Variants in TTC29 observed in about 807,000 individuals in gnomAD.
The protein encoded by TTC29 is tetratricopeptide repeat domain 29.
In TTC29, 49 loss-of-function variants were observed where a neutral mutation model predicts 58.1. The ratio of observed to expected loss-of-function variants is 0.84; its 90% CI spans 0.67 to 1.07. The LOEUF (loss-of-function observed/expected upper bound fraction) is 1.07. Among genes scored for constraint, TTC29 ranks in the 50% least tolerant of loss-of-function variants. The pLI, the probability that TTC29 is intolerant of heterozygous loss-of-function variation, is 0.00. For synonymous variants in TTC29, 209 were observed against 196.8 expected (o/e 1.06, Z -0.52); for missense variants, 582 against 555.6 (o/e 1.05, Z -0.48).
At chr4:146,810,148 C>A (rs1271209062) in intron 10 of TTC29, among the ~76,000 whole-genome samples, 1 of 152,102 alleles carries the variant, frequency 6.6e-6, no homozygotes, top group African/African-American at 2.4e-5. Flanking sequence ...TCATTCTCAG[C>A]AAACACAGGA....
chr4:146,718,170 T>C (rs1293093023), intron 11 of TTC29, among the ~76,000 whole-genome samples: 1 of 152,218 alleles, frequency 6.6e-6, no homozygotes, highest in East Asian at 1.9e-4. Context: ...TTAGGAATAG[T>C]GCTGCAATGA....
chr4:146,908,743 A>G (rs567421973), intron 5 of TTC29, among the ~76,000 whole-genome samples: 38 of 152,316 alleles, frequency 2.5e-4, no homozygotes, highest in Admixed American at 2.5e-3. Flanking sequence ...ACCTAATGAT[A>G]GGAACTATGT....
intron 11 of TTC29, among the ~76,000 whole-genome samples, chr4:146,718,486 C>T (rs1050382545): frequency 1.3e-5 from 2 of 152,114 alleles, no homozygotes; most frequent in African/African-American, 4.8e-5. Flanking sequence ...TTCCATATGT[C>T]TGTTCGCCAC....
At chr4:146,795,609 T>C (rs1579691420) in intron 11 of TTC29, among the ~76,000 whole-genome samples, 1 of 152,100 alleles carries the variant, frequency 6.6e-6, no homozygotes, top group East Asian at 1.9e-4. Context: ...AAAAGTAAAT[T>C]ATGGGACCAT....
rs1747487363 is a variant in TTC29 at position 146,768,456 on chromosome 4, A to T, written c.1330+35001T>A. On this transcript the variant is annotated intron_variant, in intron 11 of 12. Coordinates refer to ENST00000325106, the MANE Select transcript of TTC29 (RefSeq NM_031956.4). ...GTGTAGTCAAAACCGAAGTTGCTCAAGTTAAATATAATTCTCTCTTTATTA... is the reference window on the plus strand; with the variant it reads ...GTGTAGTCAAAACCGAAGTTGCTCATGTTAAATATAATTCTCTCTTTATTA... Among the ~76,000 whole-genome samples, 3 of 152,172 alleles carry T rather than the reference A, an allele frequency of 2.0e-5. No homozygotes were observed. The South Asian group carries it at 6.2e-4, about 32-fold the overall frequency.
At position 146,803,681 on chromosome 4, in the gene TTC29, T is replaced by C. The variant is rs985103553; in HGVS notation, c.1106A>G (p.Tyr369Cys). The C allele has an allele frequency of 6.3e-7, 1 of 1,576,580 alleles. No homozygotes were observed. The highest frequency in any genetic ancestry group is 8.6e-7 in the Non-Finnish European group (1 of 1,156,904). ...AAAGCATTCAGAAGCTTTGTTGTAG[T>C]ATCCCTAAAAAGGTAAGAGAAATAA... ...MLGDIYNEKG[Y>C]YNKASECFQQ... The change falls in exon 11 of 13, where the codon TAC (tyrosine) becomes TGC (cysteine). Residue 369 changes from tyrosine to cysteine, a missense_variant. By Grantham distance (194) the Tyr-to-Cys change is radical. Transcript: ENST00000325106.
rs1736892345 is a variant in TTC29, at chr4:146,945,817, AT to A, written c.-163del. On this transcript the variant is annotated 5_prime_UTR_variant, in exon 1 of 13. Transcript: ENST00000325106. ...GGCGCTGCCCCCTCCTCTCTCAGTG[AT>A]TCCGAAGCCTGGCTCCGCCGGAGCG... The A allele has an allele frequency of 6.6e-6, 1 of 152,308 alleles. No individual in the cohort carries two copies. The highest frequency in any genetic ancestry group is 2.4e-5 in the African/African-American group (1 of 41,442). 9.4% of individuals were successfully genotyped at this position (152,308 alleles called of 1,614,324 possible). A position where few individuals can be genotyped will look rare whatever the true frequency, so the allele number is the denominator to read the frequency against.
At chr4:146,747,998 C>T (rs1005071233) in intron 11 of TTC29, among the ~76,000 whole-genome samples, 1 of 152,226 alleles carries the variant, frequency 6.6e-6, no homozygotes, top group Non-Finnish European at 1.5e-5. Context: ...TCTTGCCATT[C>T]CTGGGTCCTT....
intron 11 of TTC29, among the ~76,000 whole-genome samples, chr4:146,769,262 A>G (rs1747544140): frequency 6.6e-6 from 1 of 152,012 alleles, no homozygotes; most frequent in African/African-American, 2.4e-5. Flanking sequence ...AGTGATTGCG[A>G]ATATTTTTGA....
intron 11 of TTC29, among the ~76,000 whole-genome samples, chr4:146,712,459 T>C (rs1288171448): frequency 2.6e-5 from 4 of 152,116 alleles, no homozygotes; most frequent in South Asian, 4.1e-4. Context: ...ACCTTGTAAC[T>C]GATGGTTTGT....
chr4:146,858,686 C>T (rs1730033261), intron 8 of TTC29, among the ~76,000 whole-genome samples: 1 of 152,164 alleles, frequency 6.6e-6, no homozygotes, highest in African/African-American at 2.4e-5. Context: ...AAGCCCCATG[C>T]TACAAATTTC....
intron 9 of TTC29, among the ~76,000 whole-genome samples, chr4:146,820,888 C>A (rs181536784): frequency 4.0e-4 from 61 of 152,030 alleles, no homozygotes; most frequent in Non-Finnish European, 5.9e-4. Flanking sequence ...AAAAATTAGC[C>A]AGGCATGGTG....
intron 4 of TTC29, among the ~76,000 whole-genome samples, chr4:146,921,034 A>G (rs1279716476): frequency 3.3e-5 from 5 of 151,488 alleles, no homozygotes; most frequent in Admixed American, 6.6e-5. Flanking sequence ...TGCTTAAAAG[A>G]TAACTACCGA....
At chr4:146,795,822 T>C (rs1440070276) in intron 11 of TTC29, among the ~76,000 whole-genome samples, 2 of 152,166 alleles carry the variant, frequency 1.3e-5, no homozygotes, top group Non-Finnish European at 2.9e-5. Flanking sequence ...TAGGAGAGGA[T>C]CATTTTGCTT....
At chr4:146,742,613 T>A in intron 11 of TTC29, among the ~76,000 whole-genome samples, 1 of 146,944 alleles carries the variant, frequency 6.8e-6, no homozygotes, top group Non-Finnish European at 1.5e-5. Context: ...CTCCCTTCCT[T>A]CCCTCCCTTC....
chr4:146,849,479 A>C (rs757148154), intron 8 of TTC29, among the ~76,000 whole-genome samples: 3 of 152,124 alleles, frequency 2.0e-5, no homozygotes, highest in Admixed American at 6.5e-5. Context: ...CTCCACTCAC[A>C]TACAGGGACA....
intron 2 of TTC29, among the ~76,000 whole-genome samples, chr4:146,941,788 TGA>T (rs1736424150): frequency 6.6e-6 from 1 of 152,162 alleles, no homozygotes; most frequent in Non-Finnish European, 1.5e-5. Context: ...AAAATCACTC[TGA>T]GTTTTTCTTT....
At chr4:146,851,641 T>C (rs1000347152) in intron 8 of TTC29, among the ~76,000 whole-genome samples, 8 of 152,232 alleles carry the variant, frequency 5.3e-5, no homozygotes, top group Admixed American at 4.6e-4. Context: ...AGGTATAATA[T>C]GCTGATTACA....
At chr4:146,794,436 T>C (rs1389408896) in intron 11 of TTC29, among the ~76,000 whole-genome samples, 1 of 152,138 alleles carries the variant, frequency 6.6e-6, no homozygotes, top group Non-Finnish European at 1.5e-5. Context: ...TTTCCCCTTT[T>C]CCATAATCCT....
Sources: allele counts gnomAD v4.1 joint callset (sites outside exome capture counted in the v4.1 genomes callset), GRCh38; gene constraint gnomAD v4.1.1; transcripts MANE v1.5; gene names NCBI Gene and HGNC (gene_info 2026-07-23, HGNC 2026-07-21).